CA10: variants seen among roughly 807,000 people sequenced by gnomAD.
The protein encoded by CA10 is carbonic anhydrase 10 (inactive).
CA10 carries 14 observed loss-of-function variants against 44.2 expected under a neutral mutation model. The observed-to-expected ratio is 0.32, with a 90% CI of 0.21 to 0.50. The LOEUF (loss-of-function observed/expected upper bound fraction) is 0.50, where lower values mean the gene tolerates loss of function less well. Ranked by LOEUF, CA10 falls within the 20% of genes least tolerant of loss-of-function variation. The pLI is 0.99. For missense variants in CA10, 350 were observed against 409.7 expected, an observed-to-expected ratio of 0.85 and a Z score of 1.26; for synonymous variants, 159 against 141.6, an observed-to-expected ratio of 1.12 and a Z score of -0.87.
At chr17:51,929,749 C>T (rs1567889272) in intron 3 of CA10, among the ~76,000 whole-genome samples, 1 of 152,084 alleles carries the variant, frequency 6.6e-6, no homozygotes, top group Non-Finnish European at 1.5e-5. Flanking sequence ...ATGACAAGCT[C>T]CTTGCAGAAT....
At chr17:51,995,713 GC>G (rs1229502261) in intron 2 of CA10, among the ~76,000 whole-genome samples, 1 of 152,022 alleles carries the variant, frequency 6.6e-6, no homozygotes, top group East Asian at 1.9e-4. Context: ...GACTATCCAG[GC>G]CTAAGGATGA....
intron 2 of CA10, among the ~76,000 whole-genome samples, chr17:51,942,268 C>T (rs1434985611): frequency 6.6e-6 from 1 of 152,050 alleles, no homozygotes; most frequent in Admixed American, 6.6e-5. Context: ...AAATAATCTT[C>T]ATGCTGCCAC....
chr17:51,855,562 A>T (rs1979003091), intron 3 of CA10, among the ~76,000 whole-genome samples: 1 of 152,160 alleles, frequency 6.6e-6, no homozygotes, highest in Non-Finnish European at 1.5e-5. Context: ...AAACAAAGAC[A>T]GAACCAGTTT....
intron 3 of CA10, among the ~76,000 whole-genome samples, chr17:51,853,121 AATATATTATT>A (rs1462159262): frequency 6.9e-6 from 1 of 145,272 alleles, no homozygotes; most frequent in East Asian, 2.0e-4. Flanking sequence ...ACTGAATGCT[AATATATTATT>A]ATATATTTGC....
intron 3 of CA10, among the ~76,000 whole-genome samples, chr17:51,807,657 A>T (rs1176928653): frequency 2.0e-5 from 3 of 152,250 alleles, no homozygotes; most frequent in Non-Finnish European, 4.4e-5. Context: ...GTATGGTGAC[A>T]ACATGGAATA....
intron 1 of CA10, among the ~76,000 whole-genome samples, chr17:52,073,907 T>C (rs907714813): frequency 3.9e-5 from 6 of 152,168 alleles, no homozygotes; most frequent in African/African-American, 1.2e-4. Flanking sequence ...ACAAGGAGAT[T>C]TGAAGTCAGC....
At chr17:51,648,112 C>T (rs17622442) in intron 6 of CA10, among the ~76,000 whole-genome samples, 8,054 of 152,256 alleles carry the variant, frequency 0.053, 270 homozygotes, top group Middle Eastern at 0.082. Flanking sequence ...AGTGAGTAAA[C>T]GGCTGAGTGA....
intron 2 of CA10, among the ~76,000 whole-genome samples, chr17:51,993,706 T>G (rs913657572): frequency 3.9e-5 from 6 of 152,050 alleles, no homozygotes; most frequent in African/African-American, 1.4e-4. Flanking sequence ...GCATATGTGA[T>G]TTTGCCTAAA....
intron 1 of CA10, among the ~76,000 whole-genome samples, chr17:52,094,533 G>C (rs1001513701): frequency 1.3e-5 from 2 of 152,098 alleles, no homozygotes; most frequent in Non-Finnish European, 2.9e-5. Context: ...CATGAGTTGG[G>C]AGAAGATATA....
Position 51,636,075 on chromosome 17 carries a change from TAC to T in CA10, c.635-68_635-67del, listed in dbSNP as rs1458781467. On this transcript the variant is annotated intron_variant, in intron 6 of 8. Transcript: ENST00000451037. ...AAAGGGATGGTATTGCTGACATACA[TAC>T]ATACATACATACATATACATATACA... is the stretch of plus-strand genomic sequence containing the variant. 121 of 763,458 alleles carry T rather than the reference TAC, an allele frequency of 1.6e-4. No homozygotes were observed. The South Asian group carries it at 2.5e-3, about 16-fold the overall frequency. The allele number at this position is 763,458 out of a possible 1,614,324, so 47.3% of individuals were successfully genotyped here. A position where few individuals can be genotyped will look rare whatever the true frequency, so the allele number is the denominator to read the frequency against.
chr17:51,705,526 A>G (rs894493676), intron 4 of CA10, among the ~76,000 whole-genome samples: 2 of 152,160 alleles, frequency 1.3e-5, no homozygotes, highest in African/African-American at 4.8e-5. Flanking sequence ...CTGAACAAAC[A>G]TGGAGAATAT....
intron 3 of CA10, among the ~76,000 whole-genome samples, chr17:51,926,396 T>G (rs1982430607): frequency 6.6e-6 from 1 of 152,230 alleles, no homozygotes; most frequent in East Asian, 1.9e-4. Context: ...TTGTGGTTAG[T>G]AAACCAGTAT....
At chr17:51,907,173 G>C (rs1403067847) in intron 3 of CA10, among the ~76,000 whole-genome samples, 1 of 152,058 alleles carries the variant, frequency 6.6e-6, no homozygotes, top group Non-Finnish European at 1.5e-5. Flanking sequence ...TCTGCTCACT[G>C]TCCTCTGTTC....
chr17:51,854,584 G>A (rs1978953223), intron 3 of CA10, among the ~76,000 whole-genome samples: 1 of 152,146 alleles, frequency 6.6e-6, no homozygotes, highest in Admixed American at 6.5e-5. Flanking sequence ...CAGCATCTGA[G>A]GAAGGTGAGT....
chr17:51,871,108 G>C (rs976116934), intron 3 of CA10, among the ~76,000 whole-genome samples: 5 of 145,344 alleles, frequency 3.4e-5, no homozygotes, highest in Admixed American at 7.0e-5. Context: ...ACTCAGGGTG[G>C]AGTGGAGTGG....
intron 2 of CA10, among the ~76,000 whole-genome samples, chr17:51,964,370 A>C (rs965032544): frequency 2.0e-5 from 3 of 152,044 alleles, no homozygotes; most frequent in Non-Finnish European, 4.4e-5. Flanking sequence ...CAGAAAACTA[A>C]AAGAAATTCT....
intron 2 of CA10, among the ~76,000 whole-genome samples, chr17:52,032,573 G>A (rs1200365126): frequency 5.9e-5 from 9 of 152,138 alleles, no homozygotes; most frequent in Admixed American, 5.9e-4. Flanking sequence ...CTATGCCTCT[G>A]CAGAGAAAGC....
intron 2 of CA10, among the ~76,000 whole-genome samples, chr17:51,944,394 G>C (rs1044071406): frequency 2.0e-5 from 3 of 152,106 alleles, no homozygotes; most frequent in African/African-American, 7.2e-5. Context: ...ACCTCTGCAG[G>C]CTACCCTCAC....
At chr17:51,848,324 G>C (rs1031523532) in intron 3 of CA10, among the ~76,000 whole-genome samples, 4 of 152,036 alleles carry the variant, frequency 2.6e-5, no homozygotes, top group Non-Finnish European at 4.4e-5. Flanking sequence ...CTTAAATTTT[G>C]CACCTGAGGC....
Sources: allele counts gnomAD v4.1 joint callset (sites outside exome capture counted in the v4.1 genomes callset), GRCh38; gene constraint gnomAD v4.1.1; transcripts MANE v1.5; gene names NCBI Gene and HGNC (gene_info 2026-07-23, HGNC 2026-07-21).